CASKIN2: variants seen among roughly 807,000 people sequenced by gnomAD.
The protein encoded by CASKIN2 is caskin-2.
Under a neutral mutation model 107.1 loss-of-function variants are expected in CASKIN2, and 41 were observed. The observed-to-expected ratio is 0.38, with a 90% CI of 0.30 to 0.50. The LOEUF (loss-of-function observed/expected upper bound fraction) is 0.50, where lower values mean the gene tolerates loss of function less well. Ranked by LOEUF, CASKIN2 falls within the 20% of genes least tolerant of loss-of-function variation. The pLI is 0.92. For synonymous variants in CASKIN2, 724 were observed against 705.6 expected, an observed-to-expected ratio of 1.03 and a Z score of -0.41; for missense variants, 1,546 against 1,657.4, an observed-to-expected ratio of 0.93 and a Z score of 1.17.
rs536804703 is a variant in CASKIN2 at position 75,501,421 on chromosome 17, ACT to A, written c.3518+45_3518+46del. Reference sequence around the variant, plus strand: ...TCCCTGGGCAGAGGATGCAGGGAGCACTGTTTCTCTGCAGCCTTCTCTCCCTC... The same window carrying A: ...TCCCTGGGCAGAGGATGCAGGGAGCAGTTTCTCTGCAGCCTTCTCTCCCTC... On this transcript the variant is annotated intron_variant, in intron 19 of 19. Coordinates refer to ENST00000321617, the MANE Select transcript of CASKIN2 (RefSeq NM_020753.5). 668 of 1,552,864 alleles carry A rather than the reference ACT, an allele frequency of 4.3e-4. 1 individual carries two copies. In the African/African-American group the frequency reaches 7.9e-3, roughly 18 times the overall value.
Position 75,506,313 on chromosome 17 carries a change from G to A in CASKIN2, c.718C>T (p.Leu240Phe), listed in dbSNP as rs2053264839. The A allele has an allele frequency of 6.2e-7, 1 of 1,611,072 alleles. No individual in the cohort carries two copies. The highest frequency in any genetic ancestry group is 1.3e-5 in the African/African-American group (1 of 74,918). ...LYGKTEVVRL[L>F]LEGGVDVNIR... ...CAGGGGCCCATACCCACCTCCAGAA[G>A]CAGCCGCACCACCTCGGTCTTGCCA... Residue 240 changes from leucine to phenylalanine, a missense_variant, in exon 8 of 20, where the codon CTT (leucine) becomes TTT (phenylalanine). Leu to Phe is a conservative substitution (Grantham distance 22, BLOSUM62 0). Around this residue, in one of 6 missense-constraint regions of CASKIN2, gnomAD observed 62 missense variants for 81.1 expected, o/e 0.76. Transcript: ENST00000321617. This position sits in a 1 kb window ranked among gnomAD's most constrained non-coding sequence, Gnocchi z 4.8.
rs375409576 is a variant in CASKIN2 at position 75,503,753 on chromosome 17, G to A, written c.1586C>T (p.Thr529Met). The change falls in exon 16 of 20, where the codon ACG becomes ATG. Residue 529 changes from threonine to methionine, a missense_variant. This residue lies in a region of CASKIN2 where 1,311 missense variants were observed against 1,311.0 expected (regional missense o/e 1.00). Transcript: ENST00000321617. ...CCCAGGCTTGGTCACCCCGATGGCC[G>A]TCAGGTCCTGCCACACAAAGTCTGG... ...TISRMTPEDL[T>M]AIGVTKPGHR... 22 of 1,612,044 alleles carry A rather than the reference G, an allele frequency of 1.4e-5. No homozygotes were observed. The highest frequency in any genetic ancestry group is 8.0e-5 in the African/African-American group (6 of 74,924).
At position 75,505,896 on chromosome 17, in the gene CASKIN2, T is replaced by C. The variant is rs776414876; in HGVS notation, c.760A>G (p.Asn254Asp). The change falls in exon 9 of 20, where the codon AAC becomes GAC. Residue 254 changes from asparagine to aspartate, a missense_variant. Around this residue, in one of 6 missense-constraint regions of CASKIN2, gnomAD observed 62 missense variants for 81.1 expected, o/e 0.76. Coordinates refer to ENST00000321617, the MANE Select transcript of CASKIN2 (RefSeq NM_020753.5). The surrounding 1 kb of genome is among the most constrained non-coding windows in gnomAD (Gnocchi z 5.1). The part of the protein sequence containing the change: ...GVDVNIRNTY[N>D]QTALDIVNQF... ...TTCACTATGTCCAGCGCCGTCTGGTTATACGTATTCCGGATGTTCACGTCC... is the reference window on the plus strand; with the variant it reads ...TTCACTATGTCCAGCGCCGTCTGGTCATACGTATTCCGGATGTTCACGTCC... 5.0e-6 allele frequency: 8 copies of C among 1,613,508 alleles called. No homozygotes were observed. In the South Asian group the frequency reaches 7.7e-5, roughly 16 times the overall value.
At chr17:75,510,506 AG>A (rs1007121845) in intron 2 of CASKIN2, among the ~76,000 whole-genome samples, 1 of 128,068 alleles carries the variant, frequency 7.8e-6, no homozygotes, top group African/African-American at 2.8e-5. Flanking sequence ...AATCATGGGG[AG>A]AACTTTCTGA....
chr17:75,501,029 G>T lies in CASKIN2; in HGVS notation c.*51C>A. 1.3e-6 allele frequency: 2 copies of T among 1,518,034 alleles called. No homozygotes were observed. The highest frequency in any genetic ancestry group is 1.8e-6 in the Non-Finnish European group (2 of 1,119,782). 94.0% of individuals were successfully genotyped at this position (1,518,034 alleles called of 1,614,324 possible). A position where few individuals can be genotyped will look rare whatever the true frequency, so the allele number is the denominator to read the frequency against. On this transcript the variant is annotated 3_prime_UTR_variant, in exon 20 of 20. Transcript: ENST00000321617. ...GGGTGGCAGGGGCCTCTTCTGTGCT[G>T]GGGCAAAGGCAGTGGACTTCGGCAG...
In CASKIN2 at chr17:75,504,557, A is replaced by T. The variant is rs1479086173; in HGVS notation, c.1314+15T>A. ...GGAGTGAGCCCTGACCTGGTCCGTG[A>T]CCCCATCATCCTACCTGGGCGTTCT... On this transcript the variant is annotated intron_variant, in intron 12 of 19. Coordinates refer to ENST00000321617, the MANE Select transcript of CASKIN2 (RefSeq NM_020753.5). 6.3e-7 allele frequency: 1 copy of T among 1,594,260 alleles called. No homozygotes were observed. Among genetic ancestry groups the T allele is most frequent in the Admixed American group, 1.7e-5 (1 of 59,412 alleles).
At chr17:75,507,877 G>A (rs192570626) in intron 3 of CASKIN2, 196 bp from the exon 4 acceptor site, 86 of 583,724 alleles carry the variant, frequency 1.5e-4, no homozygotes, top group African/African-American at 7.6e-4. Context: ...TGAGAGGCCC[G>A]TTTGTCTCGC....
intron 11 of CASKIN2, 56 bp from the exon 12 acceptor site, chr17:75,504,749 C>A: frequency 6.3e-7 from 1 of 1,575,912 alleles, no homozygotes; most frequent in South Asian, 1.2e-5. Flanking sequence ...TGACAGCTGT[C>A]TGGCAGCTTG....
At chr17:75,512,156 A>G (rs1598470343) in intron 2 of CASKIN2, among the ~76,000 whole-genome samples, 1 of 152,132 alleles carries the variant, frequency 6.6e-6, no homozygotes, top group Admixed American at 6.5e-5. Flanking sequence ...CCCATACCCC[A>G]GGTGTTCAGG....
intron 2 of CASKIN2, among the ~76,000 whole-genome samples, chr17:75,508,510 C>T (rs986207401): frequency 6.6e-6 from 1 of 152,236 alleles, no homozygotes; most frequent in African/African-American, 2.4e-5. Flanking sequence ...CTGGCTTCCC[C>T]TCGCCCCAGT....
chr17:75,508,078 G>T (rs2053284630), intron 3 of CASKIN2, among the ~76,000 whole-genome samples, 156 bp downstream of exon 3: 1 of 152,108 alleles, frequency 6.6e-6, no homozygotes, highest in Admixed American at 6.5e-5. Flanking sequence ...CTCCAGCCCA[G>T]GGACAGGGCC....
In CASKIN2 at chr17:75,505,390, T is replaced by C. The variant is rs1268029946; in HGVS notation, c.930+167A>G. 19 of 696,598 alleles carry C rather than the reference T, an allele frequency of 2.7e-5. No homozygotes were observed. Among genetic ancestry groups the C allele is most frequent in the East Asian group, 2.3e-4 (9 of 39,850 alleles). 43.2% of individuals were successfully genotyped at this position (696,598 alleles called of 1,614,324 possible). On this transcript the variant is annotated intron_variant, in intron 10 of 19. Transcript: ENST00000321617. This position sits in a 1 kb window ranked among gnomAD's most constrained non-coding sequence, Gnocchi z 5.1. The stretch of plus-strand genomic sequence containing the variant: ...TTTTGTTTAATTCTCAATTTTGTCA[T>C]CTGTAAAGAAGAAATGCTAACAGCA...
chr17:75,504,592 G>A lies in CASKIN2; in HGVS notation c.1294C>T (p.Leu432Phe). ...SEGTNGHGPG[L>F]LIENAQPLPS... ...CCTACCTGGGCGTTCTCAATCAGGAGGCCAGGGCCATGGCCATTAGTGCCC... is the reference window on the plus strand; with the variant it reads ...CCTACCTGGGCGTTCTCAATCAGGAAGCCAGGGCCATGGCCATTAGTGCCC... Residue 432 changes from leucine (L) to phenylalanine (F), a missense_variant, in exon 12 of 20, where the codon CTC becomes TTC. Physicochemically the swap from Leu to Phe is conservative, Grantham distance 22. Around this residue, in one of 6 missense-constraint regions of CASKIN2, gnomAD observed 1,311 missense variants for 1,311.0 expected, o/e 1.00. Coordinates refer to ENST00000321617, the MANE Select transcript of CASKIN2 (RefSeq NM_020753.5). 6.2e-7 allele frequency: 1 copy of A among 1,604,880 alleles called. No homozygotes were observed. The highest frequency in any genetic ancestry group is 1.3e-5 in the African/African-American group (1 of 74,916).
Position 75,502,257 on chromosome 17 carries a change from C to T in CASKIN2, c.2817G>A (p.Thr939=), listed in dbSNP as rs1315554435. Residue 939 remains threonine, a synonymous_variant, in exon 18 of 20, where the codon ACG becomes ACA. Coordinates refer to ENST00000321617, the MANE Select transcript of CASKIN2 (RefSeq NM_020753.5). The surrounding 1 kb of genome is among the most constrained non-coding windows in gnomAD (Gnocchi z 4.3). Reference sequence around the variant, plus strand: ...CCCCAGAGCTGCCCCGAGATGGGGGCGTCCCCTCAGGGCCTGGCTCCTCCT... The same window carrying T: ...CCCCAGAGCTGCCCCGAGATGGGGGTGTCCCCTCAGGGCCTGGCTCCTCCT... ...TEEEEPGPEG[T]PPSRGSSGEG... 40 of 1,548,920 alleles carry T rather than the reference C, an allele frequency of 2.6e-5. No homozygotes were observed. The highest frequency in any genetic ancestry group is 3.7e-5 in the Admixed American group (2 of 54,564).
rs373644461 is a variant in CASKIN2 at position 75,504,302 on chromosome 17, G to T, written c.1380C>A (p.Asn460Lys). 2.5e-6 allele frequency: 4 copies of T among 1,607,750 alleles called. No homozygotes were observed. In the South Asian group the frequency reaches 4.4e-5, roughly 18 times the overall value. The change falls in exon 14 of 20, where the codon AAC becomes AAA. Residue 460 changes from asparagine (N) to lysine (K), a missense_variant. Physicochemically the swap from Asn to Lys is moderately conservative, Grantham distance 94. Around this residue, in one of 6 missense-constraint regions of CASKIN2, gnomAD observed 1,311 missense variants for 1,311.0 expected, o/e 1.00. Coordinates refer to ENST00000321617, the MANE Select transcript of CASKIN2 (RefSeq NM_020753.5). ...AGTTGGCCAGAGGGCGGTGGCTCAG[G>T]TTGTCTTCAAGGAGAGAGAAAAATG... is the stretch of plus-strand genomic sequence containing the variant. ...PGLHPPSLAD[N>K]LSHRPLANCR... is the part of the protein sequence containing the mutation.
intron 2 of CASKIN2, among the ~76,000 whole-genome samples, chr17:75,508,512 C>T (rs559558869): frequency 4.5e-4 from 68 of 152,240 alleles, no homozygotes; most frequent in Non-Finnish European, 8.4e-4. Flanking sequence ...GGCTTCCCCT[C>T]GCCCCAGTCC....
intron 19 of CASKIN2, 39 bp from the exon 20 acceptor site, chr17:75,501,209 G>A: frequency 6.5e-7 from 1 of 1,527,600 alleles, no homozygotes; most frequent in Admixed American, 2.0e-5. Flanking sequence ...TCAGCCAGTG[G>A]CCTGCACCCC....
chr17:75,503,146 G>A lies in CASKIN2; in HGVS notation c.1928C>T (p.Pro643Leu), dbSNP rs368827789. Residue 643 changes from proline (P) to leucine (L), a missense_variant, in exon 18 of 20, where the codon CCG (proline) becomes CTG (leucine). Transcript: ENST00000321617. ...SEGGRRLAKG[P>L]ELMAIEGLEN... The stretch of plus-strand genomic sequence containing the variant: ...CAGTCCCTCGATGGCCATCAGCTCC[G>A]GACCCTTGGCCAGCCGGCGCCCGCC... 44 of 1,605,152 alleles carry A rather than the reference G, an allele frequency of 2.7e-5. No individual in the cohort carries two copies. The highest frequency in any genetic ancestry group is 1.1e-4 in the South Asian group (10 of 90,246).
rs756872164 is a variant in CASKIN2 at position 75,506,047 on chromosome 17, T to G, written c.727-118A>C. ...TTTTCCGATTTTACAGATGAGGACA[T>G]AGAGGCTCAGGGACTCAGTCAAGGA... On this transcript the variant is annotated intron_variant, in intron 8 of 19. Coordinates refer to ENST00000321617, the MANE Select transcript of CASKIN2 (RefSeq NM_020753.5). The surrounding 1 kb of genome is among the most constrained non-coding windows in gnomAD (Gnocchi z 4.8). 1.2e-6 allele frequency: 1 copy of G among 869,312 alleles called. No homozygotes were observed. The highest frequency in any genetic ancestry group is 2.3e-5 in the Admixed American group (1 of 44,346). The allele number at this position is 869,312 out of a possible 1,614,324, so 53.8% of individuals were successfully genotyped here. A position where few individuals can be genotyped will look rare whatever the true frequency, so the allele number is the denominator to read the frequency against.
Sources: allele counts gnomAD v4.1 joint callset (sites outside exome capture counted in the v4.1 genomes callset), GRCh38; gene constraint gnomAD v4.1.1; regional missense constraint gnomAD v4.1.1; non-coding constraint Gnocchi (gnomAD v3.1); transcripts MANE v1.5; gene names NCBI Gene and HGNC (gene_info 2026-07-23, HGNC 2026-07-21).